DYNC1H1: variants seen among roughly 807,000 people sequenced by gnomAD.
The protein encoded by DYNC1H1 is dynein cytoplasmic 1 heavy chain 1, also known as cytoplasmic dynein 1 heavy chain 1.
DYNC1H1 carries 51 observed loss-of-function variants against 527.1 expected under a neutral mutation model. The observed-to-expected ratio is 0.10, with a 90% CI of 0.08 to 0.12. DYNC1H1 has a LOEUF of 0.12. DYNC1H1 is among the 10% of genes least tolerant of loss of function. The pLI, the probability that DYNC1H1 is intolerant of heterozygous loss-of-function variation, is 1.00. For missense variants in DYNC1H1, 2,771 were observed against 5,971.8 expected (o/e 0.46, Z 17.66); for synonymous variants, 2,189 against 2,278.8 (o/e 0.96, Z 1.12).
chr14:102,022,731 A>G lies in DYNC1H1; in HGVS notation c.8508-20A>G. 6.2e-7 allele frequency: 1 copy of G among 1,613,992 alleles called. No homozygotes were observed. Among genetic ancestry groups the G allele is most frequent in the Non-Finnish European group, 8.5e-7 (1 of 1,179,944 alleles). The stretch of plus-strand genomic sequence containing the variant: ...CCGTGCCCTCTAGTTACCTAAATGC[A>G]CATGCTGCTCTCCCCACAGACTCGT... On this transcript the variant is annotated intron_variant, in intron 42 of 77. Transcript: ENST00000360184.
intron 10 of DYNC1H1, among the ~76,000 whole-genome samples, chr14:101,990,176 G>A (rs1428802689): frequency 1.3e-5 from 2 of 152,158 alleles, no homozygotes; most frequent in Admixed American, 6.5e-5. Flanking sequence ...TAGTGGAGAC[G>A]AAGTTGGAAT....
At chr14:102,026,927 C>G in intron 44 of DYNC1H1, 1 of 782,546 alleles carries the variant, frequency 1.3e-6, no homozygotes, top group Non-Finnish European at 2.1e-6. Flanking sequence ...GCATACCTGC[C>G]ATAATTATGG....
At chr14:102,048,430 C>T in intron 73 of DYNC1H1, 86 bp from the exon 74 acceptor site, 4 of 1,578,102 alleles carry the variant, frequency 2.5e-6, no homozygotes, top group Non-Finnish European at 3.5e-6. Context: ...GGGGCTCTCC[C>T]CGGAGGCCGA....
rs1314114138 is a variant in DYNC1H1, at chr14:101,979,552, C to T, written c.518+60C>T. ...AATGTTCACAAGATAGTATAGAACT[C>T]GGTGTAAAACTTGGGAATTGGGAGG... On this transcript the variant is annotated intron_variant, in intron 3 of 77. Transcript: ENST00000360184. This position sits in a 1 kb window ranked among gnomAD's most constrained non-coding sequence, Gnocchi z 4.6. 3.0e-5 allele frequency: 48 copies of T among 1,611,574 alleles called. No individual in the cohort carries two copies. The highest frequency in any genetic ancestry group is 6.7e-5 in the East Asian group (3 of 44,882).
intron 1 of DYNC1H1, among the ~76,000 whole-genome samples, chr14:101,970,470 G>GT (rs1324948272): frequency 0.032 from 3,057 of 96,140 alleles, 576 homozygotes; most frequent in African/African-American, 0.082. Context: ...TTGGTTTGTT[G>GT]TTGTTTTTTT....
At chr14:102,031,279 G>T (rs1385282765) in intron 51 of DYNC1H1, among the ~76,000 whole-genome samples, 1 of 152,170 alleles carries the variant, frequency 6.6e-6, no homozygotes, top group Non-Finnish European at 1.5e-5. Flanking sequence ...TGTCCCCCAG[G>T]CTGGAGTGTA....
chr14:101,999,940 C>T lies in DYNC1H1; in HGVS notation c.3805-49C>T, dbSNP rs373276523. The T allele has an allele frequency of 1.9e-6, 3 of 1,613,380 alleles. No homozygotes were observed. In the African/African-American group the frequency reaches 4.0e-5, roughly 22 times the overall value. ...ACCATTTTAAAGCCTAAATGCTCAT[C>T]TCTCCTGAGACATTGTGCTCCAATT... On this transcript the variant is annotated intron_variant, in intron 16 of 77. Coordinates refer to ENST00000360184, the MANE Select transcript of DYNC1H1 (RefSeq NM_001376.5).
chr14:101,972,146 A>G (rs959896107), intron 1 of DYNC1H1, among the ~76,000 whole-genome samples: 5 of 152,220 alleles, frequency 3.3e-5, no homozygotes, highest in African/African-American at 1.2e-4. Flanking sequence ...TATAAATATA[A>G]CAGGGCTAAT....
At chr14:102,031,488 G>C (rs1385743125) in intron 51 of DYNC1H1, among the ~76,000 whole-genome samples, 1 of 152,158 alleles carries the variant, frequency 6.6e-6, no homozygotes, top group Non-Finnish European at 1.5e-5. Flanking sequence ...ACCTGCCTCA[G>C]CCTCCAGAAG....
Position 102,041,574 on chromosome 14 carries a change from C to G in DYNC1H1, c.11942C>G (p.Thr3981Arg), listed in dbSNP as rs138428684. ...PYLWSEETPA[T>R]PIGQAIHRLL... ...ACCCACCCCTCTGTACCTGTTTCAG[C>G]ACCCATTGGCCAGGCCATCCACCGC... Residue 3981 changes from threonine to arginine, a missense_variant and splice_region_variant, in exon 65 of 78, where the codon ACA (threonine) becomes AGA (arginine). By Grantham distance (71) the Thr-to-Arg change is moderately conservative (BLOSUM62 -1). This residue lies in a region of DYNC1H1 where 120 missense variants were observed against 161.9 expected (regional missense o/e 0.74). Coordinates refer to ENST00000360184, the MANE Select transcript of DYNC1H1 (RefSeq NM_001376.5). This position sits in a 1 kb window ranked among gnomAD's most constrained non-coding sequence, Gnocchi z 4.5. The G allele has an allele frequency of 4.0e-3, 6,417 of 1,614,062 alleles. 18 individuals are homozygous for G. Among genetic ancestry groups the G allele is most frequent in the Non-Finnish European group, 4.9e-3 (5,753 of 1,180,028 alleles).
rs996430417 is a variant in DYNC1H1, at chr14:102,036,990, G to C, written c.10908+348G>C. On this transcript the variant is annotated intron_variant, in intron 57 of 77. Coordinates refer to ENST00000360184, the MANE Select transcript of DYNC1H1 (RefSeq NM_001376.5). The surrounding 1 kb of genome is among the most constrained non-coding windows in gnomAD (Gnocchi z 5.6). ...CTGGCACCTGTAGTCCCAGCTACTC[G>C]GGAGGCTGAGGCAGGAGAATCACTT... is the stretch of plus-strand genomic sequence containing the variant. 1 of 346,022 alleles carries C rather than the reference G, an allele frequency of 2.9e-6. No homozygotes were observed. The allele number at this position is 346,022 out of a possible 1,614,324, so 21.4% of individuals were successfully genotyped here. A position where few individuals can be genotyped will look rare whatever the true frequency, so the allele number is the denominator to read the frequency against.
rs572264856 is a variant in DYNC1H1, at chr14:102,049,074, G to A, written c.13373-366G>A. Reference sequence around the variant, plus strand: ...GGGGGCTCATCCAAAGTTGTGGGGAGCCCCCAGCATCCTCCTGTTTGCCCC... The same window carrying A: ...GGGGGCTCATCCAAAGTTGTGGGGAACCCCCAGCATCCTCCTGTTTGCCCC... On this transcript the variant is annotated intron_variant, in intron 74 of 77. Transcript: ENST00000360184. The surrounding 1 kb of genome is among the most constrained non-coding windows in gnomAD (Gnocchi z 5.5). 16 of 427,018 alleles carry A rather than the reference G, an allele frequency of 3.7e-5. No individual in the cohort carries two copies. Among genetic ancestry groups the A allele is most frequent in the Admixed American group, 1.8e-4 (5 of 28,108 alleles). The allele number at this position is 427,018 out of a possible 1,614,324, so 26.5% of individuals were successfully genotyped here. A position where few individuals can be genotyped will look rare whatever the true frequency, so the allele number is the denominator to read the frequency against.
intron 1 of DYNC1H1, among the ~76,000 whole-genome samples, chr14:101,974,107 T>C (rs1294720733): frequency 6.6e-6 from 1 of 152,194 alleles, no homozygotes; most frequent in East Asian, 1.9e-4. Flanking sequence ...TTTATTTATT[T>C]ATTTTTTTTG....
Position 102,005,026 on chromosome 14 carries a change from T to C in DYNC1H1, c.5239-16T>C. ...TTTAAAATGATCCTTTGGGATCTTG[T>C]TTCTGTGTCTTTCAGGCCCAGCTTG... On this transcript the variant is annotated splice_polypyrimidine_tract_variant and intron_variant, in intron 25 of 77. Coordinates refer to ENST00000360184, the MANE Select transcript of DYNC1H1 (RefSeq NM_001376.5). This position sits in a 1 kb window ranked among gnomAD's most constrained non-coding sequence, Gnocchi z 4.0. The C allele has an allele frequency of 6.2e-7, 1 of 1,614,254 alleles. No individual in the cohort carries two copies. Among genetic ancestry groups the C allele is most frequent in the Non-Finnish European group, 8.5e-7 (1 of 1,180,050 alleles).
chr14:102,023,227 G>A, intron 43 of DYNC1H1: 1 of 357,778 alleles, frequency 2.8e-6, no homozygotes, highest in Non-Finnish European at 5.4e-6. Flanking sequence ...GGGTAAAAGA[G>A]CAAAACCCTG....
At position 102,051,065 on chromosome 14, in the gene DYNC1H1, A is replaced by C; in HGVS notation, c.*502A>C. 4.5e-6 allele frequency: 1 copy of C among 223,160 alleles called. No homozygotes were observed. The highest frequency in any genetic ancestry group is 5.2e-5 in the Admixed American group (1 of 19,110). 13.8% of individuals were successfully genotyped at this position (223,160 alleles called of 1,614,324 possible). A position where few individuals can be genotyped will look rare whatever the true frequency, so the allele number is the denominator to read the frequency against. ...CACTTTGGGAGTCTGGGAGTTAAAGACCAGCCTCGGCAACATAGTGAGACC... is the reference window on the plus strand; with the variant it reads ...CACTTTGGGAGTCTGGGAGTTAAAGCCCAGCCTCGGCAACATAGTGAGACC... On this transcript the variant is annotated 3_prime_UTR_variant, in exon 78 of 78. Transcript: ENST00000360184.
At position 102,005,989 on chromosome 14, in the gene DYNC1H1, C is replaced by T. The variant is rs375310234; in HGVS notation, c.5535C>T (p.Tyr1845=). The part of the protein sequence containing the change: ...SFEWLSQMRF[Y]FDPKQTDVLQ... ...AATGGCTCAGCCAGATGCGATTTTA[C>T]TTTGACCCTAAGCAAACTGATGTGT... is the stretch of plus-strand genomic sequence containing the variant. The change falls in exon 27 of 78, where the codon TAC becomes TAT. Residue 1845 remains tyrosine, a synonymous_variant. Coordinates refer to ENST00000360184, the MANE Select transcript of DYNC1H1 (RefSeq NM_001376.5). This position sits in a 1 kb window ranked among gnomAD's most constrained non-coding sequence, Gnocchi z 4.0. The T allele has an allele frequency of 3.1e-6, 5 of 1,614,122 alleles. No individual in the cohort carries two copies. The highest frequency in any genetic ancestry group is 1.7e-5 in the Admixed American group (1 of 60,012).
rs1288164473 is a variant in DYNC1H1, at chr14:102,002,366, C to T, written c.4543-171C>T. Among the ~76,000 whole-genome samples the T allele has an allele frequency of 6.6e-6, 1 of 152,202 alleles. No homozygotes were observed. The highest frequency in any genetic ancestry group is 2.4e-5 in the African/African-American group (1 of 41,446). ...CTTCAAGTGATCCACCCGCCTCGGC[C>T]TCCCAAAATGCTGGGATTACAGGCG... On this transcript the variant is annotated intron_variant, in intron 21 of 77. Coordinates refer to ENST00000360184, the MANE Select transcript of DYNC1H1 (RefSeq NM_001376.5). This position sits in a 1 kb window ranked among gnomAD's most constrained non-coding sequence, Gnocchi z 4.4.
In DYNC1H1 at chr14:102,052,308, T is replaced by A. The variant is rs2048822663; in HGVS notation, c.*1745T>A. 6.6e-6 allele frequency: 1 copy of A among 152,282 alleles called. No homozygotes were observed. The highest frequency in any genetic ancestry group is 2.4e-5 in the African/African-American group (1 of 41,436). 9.4% of individuals were successfully genotyped at this position (152,282 alleles called of 1,614,324 possible). On this transcript the variant is annotated 3_prime_UTR_variant, in exon 78 of 78. Coordinates refer to ENST00000360184, the MANE Select transcript of DYNC1H1 (RefSeq NM_001376.5). ...ACCACCATGTCGGCTAATTTTTGTA[T>A]CTTTTGTAGAGACAAGGTTTCACCA...
Sources: gnomAD v4.1 joint callset for allele counts (sites outside exome capture counted in the v4.1 genomes callset) on GRCh38, gnomAD v4.1.1 for gene constraint, gnomAD v4.1.1 regional missense constraint, Gnocchi (gnomAD v3.1) non-coding constraint, MANE v1.5 for transcripts, NCBI Gene and HGNC (gene_info 2026-07-23, HGNC 2026-07-21) for gene names.